Variants in PDZD2 observed in about 807,000 individuals in gnomAD.
PDZD2 encodes the protein PDZ domain-containing protein 2.
PDZD2 carries 90 observed loss-of-function variants against 220.7 expected under a neutral mutation model. That is an observed-to-expected ratio of 0.41 (90% confidence interval 0.34 to 0.49). The LOEUF (loss-of-function observed/expected upper bound fraction) is 0.49, where lower values mean the gene tolerates loss of function less well. Among genes scored for constraint, PDZD2 ranks in the 20% least tolerant of loss-of-function variants. PDZD2 has a pLI of 0.28. For synonymous variants in PDZD2, 1,375 were observed against 1,450.5 expected (o/e 0.95, Z 1.18); for missense variants, 3,174 against 3,608.5 (o/e 0.88, Z 3.08).
At chr5:32,024,786 TG>T (rs1242141588) in intron 6 of PDZD2, among the ~76,000 whole-genome samples, 1 of 152,216 alleles carries the variant, frequency 6.6e-6, no homozygotes, top group Non-Finnish European at 1.5e-5. Flanking sequence ...GAGTTACAAC[TG>T]AAGGACCACA....
Position 32,087,895 on chromosome 5 carries a change from CCGA to C in PDZD2, c.4448_4450del (p.Pro1483del), listed in dbSNP as rs760995921. ...AGTCCCGGGGGGCCAGACCTCCTCC[CCGA>C]GGAGGGCCTGGGCTGCTGGTGCCCC... On this transcript the variant is annotated inframe_deletion, in exon 20 of 25. Coordinates refer to ENST00000438447, the MANE Select transcript of PDZD2 (RefSeq NM_178140.4). This position sits in a 1 kb window ranked among gnomAD's most constrained non-coding sequence, Gnocchi z 4.0. 32 of 1,612,954 alleles carry C rather than the reference CCGA, an allele frequency of 2.0e-5. No individual in the cohort carries two copies. The highest frequency in any genetic ancestry group is 2.5e-5 in the Non-Finnish European group (30 of 1,179,656).
intron 2 of PDZD2, among the ~76,000 whole-genome samples, chr5:31,902,935 A>G (rs1035922566): frequency 2.0e-5 from 3 of 152,044 alleles, no homozygotes; most frequent in African/African-American, 7.2e-5. Flanking sequence ...TCATTGTTCC[A>G]GCACCATTTA....
chr5:32,097,361 T>C lies in PDZD2; in HGVS notation c.7928T>C (p.Val2643Ala). ...TTCAGTGTGGCAGGAGGGACAGATG[T>C]GGAGCCAAAATCAATCACGGTAAGT... ...LGFSVAGGTD[V>A]EPKSITVHRV... Residue 2643 changes from valine (V) to alanine (A), a missense_variant, in exon 22 of 25, where the codon GTG becomes GCG. Val to Ala is a moderately conservative substitution (Grantham distance 64). Transcript: ENST00000438447. The C allele has an allele frequency of 6.2e-7, 1 of 1,609,426 alleles. No individual in the cohort carries two copies. Among genetic ancestry groups the C allele is most frequent in the South Asian group, 1.1e-5 (1 of 90,978 alleles).
At position 31,841,564 on chromosome 5, in the gene PDZD2, T is replaced by C. The variant is rs142962702; in HGVS notation, c.476+41840T>C. Among the ~76,000 whole-genome samples, 93 of 152,122 alleles carry C rather than the reference T, an allele frequency of 6.1e-4. No individual in the cohort carries two copies. In the East Asian group the frequency reaches 0.013, roughly 21 times the overall value. On this transcript the variant is annotated intron_variant, in intron 2 of 24. Transcript: ENST00000438447. Reference sequence around the variant, plus strand: ...GGCGGGCGCCTGTAGTCCCAGCTACTCTGGAGGTTGAGACAGGAGAATCAC... The same window carrying C: ...GGCGGGCGCCTGTAGTCCCAGCTACCCTGGAGGTTGAGACAGGAGAATCAC...
At chr5:31,753,323 G>A (rs1040741905) in intron 1 of PDZD2, among the ~76,000 whole-genome samples, 2 of 152,218 alleles carry the variant, frequency 1.3e-5, no homozygotes, top group African/African-American at 4.8e-5. Flanking sequence ...GGTGGAGACT[G>A]GGGTAAATAA....
intron 2 of PDZD2, among the ~76,000 whole-genome samples, chr5:31,973,101 T>C (rs7721251): frequency 0.29 from 43,738 of 152,048 alleles, 6,950 homozygotes; most frequent in African/African-American, 0.42. Flanking sequence ...TTCCAACAGG[T>C]GTATGGGTGC....
intron 2 of PDZD2, among the ~76,000 whole-genome samples, chr5:31,969,508 C>CAAAAAAAAAAAAAAAAAAAAAAAAAAA: frequency 1.1e-4 from 1 of 9,284 alleles, no homozygotes; most frequent in East Asian, 2.7e-3. Context: ...GGCCCCCTCT[C>CAAAAAAAAAAAAAAAAAAAAAAAAAAA]CAAAAAAAAA....
intron 15 of PDZD2, 84 bp downstream of exon 15, chr5:32,069,734 T>A: frequency 1.4e-6 from 1 of 722,532 alleles, no homozygotes; most frequent in South Asian, 1.6e-5. Flanking sequence ...TGCAGTATTA[T>A]TGGATTCTTG....
At chr5:31,997,886 A>G (rs202205673) in intron 4 of PDZD2, among the ~76,000 whole-genome samples, 3 of 152,298 alleles carry the variant, frequency 2.0e-5, no homozygotes, top group East Asian at 3.9e-4. Flanking sequence ...TCTGTTGCCT[A>G]GGCTGAAGTG....
chr5:32,006,502 G>A (rs375031798), intron 5 of PDZD2, among the ~76,000 whole-genome samples: 3 of 151,522 alleles, frequency 2.0e-5, no homozygotes, highest in Non-Finnish European at 2.9e-5. Context: ...CTACAGACAC[G>A]TGCCACCATA....
chr5:31,843,067 AAC>A (rs1364545232), intron 2 of PDZD2, among the ~76,000 whole-genome samples: 3 of 151,656 alleles, frequency 2.0e-5, no homozygotes. Context: ...TTTTAGTAGA[AAC>A]AGGGTTTCAC....
intron 1 of PDZD2, among the ~76,000 whole-genome samples, chr5:31,675,720 G>T (rs953973033): frequency 1.3e-5 from 2 of 151,666 alleles, no homozygotes; most frequent in East Asian, 1.9e-4. Context: ...ATTTTTAGAC[G>T]GGCTCCCACT....
At chr5:32,076,988 G>A (rs1461680844) in intron 18 of PDZD2, among the ~76,000 whole-genome samples, 1 of 152,214 alleles carries the variant, frequency 6.6e-6, no homozygotes, top group Non-Finnish European at 1.5e-5. Context: ...TGCATTGAAT[G>A]TTAGGTAGAA....
At chr5:31,682,940 G>A (rs986378978) in intron 1 of PDZD2, among the ~76,000 whole-genome samples, 3 of 152,128 alleles carry the variant, frequency 2.0e-5, no homozygotes, top group African/African-American at 7.2e-5. Context: ...TGTGAACCCC[G>A]TGACACTCTC....
intron 1 of PDZD2, among the ~76,000 whole-genome samples, chr5:31,730,397 T>G (rs1179857582): frequency 1.5e-4 from 23 of 152,168 alleles, no homozygotes; most frequent in Admixed American, 1.4e-3. Context: ...CTAACTGTAT[T>G]GTCTATGAGA....
chr5:32,057,777 T>C, intron 11 of PDZD2, 49 bp downstream of exon 11: 6 of 1,453,866 alleles, frequency 4.1e-6, no homozygotes, highest in Non-Finnish European at 5.8e-6. Context: ...CTTTCTTTAT[T>C]TCCTTCTGGC....
chr5:32,047,819 A>G (rs1365184531), intron 7 of PDZD2, among the ~76,000 whole-genome samples: 4 of 152,258 alleles, frequency 2.6e-5, no homozygotes, highest in African/African-American at 7.2e-5. Flanking sequence ...TTGGCATGCA[A>G]TACCGTGGTT....
At chr5:31,683,773 T>A (rs10073278) in intron 1 of PDZD2, among the ~76,000 whole-genome samples, 1,692 of 152,282 alleles carry the variant, frequency 0.011, 39 homozygotes, top group African/African-American at 0.039. Context: ...GCAGCGGACA[T>A]CCTTGTACCT....
chr5:31,736,482 G>A (rs1208323727), intron 1 of PDZD2, among the ~76,000 whole-genome samples: 1 of 152,202 alleles, frequency 6.6e-6, no homozygotes, highest in Non-Finnish European at 1.5e-5. Context: ...CCACGCTAAT[G>A]TGAACAAAGA....
Sources: allele counts gnomAD v4.1 joint callset (sites outside exome capture counted in the v4.1 genomes callset), GRCh38; gene constraint gnomAD v4.1.1; non-coding constraint Gnocchi (gnomAD v3.1); transcripts MANE v1.5; gene names NCBI Gene and HGNC (gene_info 2026-07-23, HGNC 2026-07-21).